The following SCHIP1 variants were observed in gnomAD, a reference collection of about 807,000 sequenced individuals.
The protein encoded by SCHIP1 is schwannomin-interacting protein 1.
Under a neutral mutation model 29.7 loss-of-function variants are expected in SCHIP1, and 8 were observed. The ratio of observed to expected loss-of-function variants is 0.27; its 90% CI spans 0.16 to 0.49. The LOEUF is 0.49. SCHIP1 is among the 20% of genes least tolerant of loss of function. The pLI is 0.99. For missense variants in SCHIP1, 193 were observed against 294.6 expected, an observed-to-expected ratio of 0.66 and a Z score of 2.52; for synonymous variants, 76 against 94.9, an observed-to-expected ratio of 0.80 and a Z score of 1.16.
the SCHIP1 span, among the ~76,000 whole-genome samples, chr3:159,662,840 G>A: frequency 6.6e-6 from 1 of 152,100 alleles, no homozygotes; most frequent in South Asian, 2.1e-4. Context: ...CTGCCTCTTT[G>A]GGTATCTTAG....
the SCHIP1 span, among the ~76,000 whole-genome samples, chr3:159,825,408 A>G: frequency 6.6e-6 from 1 of 152,148 alleles, no homozygotes; most frequent in Non-Finnish European, 1.5e-5. Context: ...TGAGGAGGGA[A>G]GTGTAGCCCA....
At chr3:159,675,664 A>G in the SCHIP1 span, among the ~76,000 whole-genome samples, 4 of 152,228 alleles carry the variant, frequency 2.6e-5, no homozygotes, top group Admixed American at 2.6e-4. Context: ...AGCCCTAAGC[A>G]TCTTCACTTA....
At chr3:159,509,827 T>C in the SCHIP1 span, among the ~76,000 whole-genome samples, 1 of 152,232 alleles carries the variant, frequency 6.6e-6, no homozygotes, top group African/African-American at 2.4e-5. Context: ...GAGTTTCTGC[T>C]GAGAGATCCT....
the SCHIP1 span, among the ~76,000 whole-genome samples, chr3:159,692,114 C>T: frequency 3.2e-4 from 49 of 150,804 alleles, no homozygotes; most frequent in Admixed American, 6.0e-4. Flanking sequence ...CTGCAAGCTC[C>T]GCTTCCCGGT....
chr3:159,397,244 A>G, the SCHIP1 span, among the ~76,000 whole-genome samples: 4 of 151,932 alleles, frequency 2.6e-5, no homozygotes, highest in East Asian at 7.7e-4. Flanking sequence ...CAAAGTTTTC[A>G]ACTTCTTTGC....
At chr3:159,297,536 G>A in the SCHIP1 span, among the ~76,000 whole-genome samples, 1 of 152,000 alleles carries the variant, frequency 6.6e-6, no homozygotes, top group Non-Finnish European at 1.5e-5. Flanking sequence ...CAGGAGTGTG[G>A]GTTGCCAAAG....
At chr3:159,519,018 A>G in the SCHIP1 span, among the ~76,000 whole-genome samples, 7 of 152,262 alleles carry the variant, frequency 4.6e-5, 1 homozygote, top group Middle Eastern at 6.8e-3. Context: ...GATGACTTCC[A>G]TTTAAGAAAC....
the SCHIP1 span, among the ~76,000 whole-genome samples, chr3:159,756,695 T>C: frequency 3.3e-5 from 5 of 152,238 alleles, no homozygotes; most frequent in Admixed American, 1.3e-4. Context: ...TTCCAAACTT[T>C]TATGGTCTGT....
At chr3:159,712,668 A>T in the SCHIP1 span, among the ~76,000 whole-genome samples, 15 of 151,830 alleles carry the variant, frequency 9.9e-5, no homozygotes, top group African/African-American at 3.6e-4. Flanking sequence ...GTGAACTATG[A>T]TCATGCCACC....
At chr3:159,672,303 C>T in the SCHIP1 span, among the ~76,000 whole-genome samples, 1 of 152,194 alleles carries the variant, frequency 6.6e-6, no homozygotes, top group Non-Finnish European at 1.5e-5. Context: ...AATGTTAGCT[C>T]TTATTACTAC....
chr3:159,557,024 C>G, the SCHIP1 span, among the ~76,000 whole-genome samples: 1 of 151,116 alleles, frequency 6.6e-6, no homozygotes, highest in African/African-American at 2.4e-5. Flanking sequence ...GTGGCACGAT[C>G]TCGGCTCACC....
chr3:159,566,489 A>C, the SCHIP1 span, among the ~76,000 whole-genome samples: 1 of 152,196 alleles, frequency 6.6e-6, no homozygotes, highest in East Asian at 1.9e-4. Context: ...AAATAAATAG[A>C]ATGTACATTA....
At chr3:159,346,523 A>C in the SCHIP1 span, among the ~76,000 whole-genome samples, 1 of 152,158 alleles carries the variant, frequency 6.6e-6, no homozygotes, top group Non-Finnish European at 1.5e-5. Context: ...ATTAAAACAC[A>C]TTTTAATTAA....
At chr3:159,332,991 C>CAG in the SCHIP1 span, among the ~76,000 whole-genome samples, 1 of 152,038 alleles carries the variant, frequency 6.6e-6, no homozygotes, top group East Asian at 1.9e-4. Flanking sequence ...GTTGGAGACA[C>CAG]AGAGAGACTA....
the SCHIP1 span, among the ~76,000 whole-genome samples, chr3:159,758,733 G>A: frequency 6.6e-6 from 1 of 152,190 alleles, no homozygotes; most frequent in East Asian, 1.9e-4. Flanking sequence ...CCATCTATGT[G>A]AATGGTGCCA....
chr3:159,695,955 C>T, the SCHIP1 span, among the ~76,000 whole-genome samples: 1 of 152,104 alleles, frequency 6.6e-6, no homozygotes, highest in Non-Finnish European at 1.5e-5. Flanking sequence ...TCACTTCTGG[C>T]CTGACTTATT....
the SCHIP1 span, among the ~76,000 whole-genome samples, chr3:159,670,643 G>GA: frequency 2.6e-5 from 4 of 151,562 alleles, no homozygotes; most frequent in Non-Finnish European, 5.9e-5. Flanking sequence ...ACTTTTCTAT[G>GA]AAAAAAAGAG....
chr3:159,398,027 G>A, the SCHIP1 span, among the ~76,000 whole-genome samples: 1 of 152,170 alleles, frequency 6.6e-6, no homozygotes, highest in Admixed American at 6.5e-5. Context: ...TAATCTCCTG[G>A]TGTGCTGTTT....
chr3:159,390,304 A>AT, the SCHIP1 span, among the ~76,000 whole-genome samples: 3,836 of 152,120 alleles, frequency 0.025, 77 homozygotes, highest in Non-Finnish European at 0.039. Flanking sequence ...GGCTGTAACC[A>AT]TTTTTTCTTA....
Sources: gnomAD v4.1 joint callset for allele counts (sites outside exome capture counted in the v4.1 genomes callset) on GRCh38, gnomAD v4.1.1 for gene constraint, MANE v1.5 for transcripts, NCBI Gene and HGNC (gene_info 2026-07-23, HGNC 2026-07-21) for gene names.